The following MYL12B variants were observed in gnomAD, a reference collection of about 807,000 sequenced individuals.
MYL12B encodes the protein myosin regulatory light chain 12B.
In MYL12B, 3 loss-of-function variants were observed where a neutral mutation model predicts 12.9. The ratio of observed to expected loss-of-function variants is 0.23; its 90% CI spans 0.11 to 0.60. The LOEUF is 0.60. MYL12B is among the 20% of genes least tolerant of loss of function. The probability of loss-of-function intolerance (pLI) is 0.89; values close to 1 mark genes in which losing one functional copy is unlikely to be tolerated. For missense variants in MYL12B, 120 were observed against 215.4 expected, an observed-to-expected ratio of 0.56 and a Z score of 2.77; for synonymous variants, 57 against 71.9, an observed-to-expected ratio of 0.79 and a Z score of 1.05.
chr18:3,263,692 G>T (rs542137872), intron 1 of MYL12B, among the ~76,000 whole-genome samples: 1 of 152,356 alleles, frequency 6.6e-6, no homozygotes, highest in South Asian at 2.1e-4. Context: ...ATCTGGGGAT[G>T]AGTTTATCAT....
rs144352610 is a variant in MYL12B at position 3,272,811 on chromosome 18, A to G, written c.-15-73A>G. 438 of 1,310,246 alleles carry G rather than the reference A, an allele frequency of 3.3e-4. 4 individuals carry two copies. The African/African-American group carries it at 5.8e-3, about 17-fold the overall frequency. 81.2% of individuals were successfully genotyped at this position (1,310,246 alleles called of 1,614,324 possible). A position where few individuals can be genotyped will look rare whatever the true frequency, so the allele number is the denominator to read the frequency against. ...ATATTTTTACCTACAGACTTTAGGT[A>G]TTATGTATTCTGTTTTTGCTTTGTT... On this transcript the variant is annotated intron_variant, in intron 1 of 3. Transcript: ENST00000237500.
Position 3,262,143 on chromosome 18 carries a change from T to G in MYL12B, c.-110T>G, listed in dbSNP as rs2081594730. 1 of 151,896 alleles carries G rather than the reference T, an allele frequency of 6.6e-6. No individual in the cohort carries two copies. The highest frequency in any genetic ancestry group is 2.4e-5 in the African/African-American group (1 of 41,374). The allele number at this position is 151,896 out of a possible 1,614,324, so 9.4% of individuals were successfully genotyped here. On this transcript the variant is annotated 5_prime_UTR_variant, in exon 1 of 4. Coordinates refer to ENST00000237500, the MANE Select transcript of MYL12B (RefSeq NM_033546.4). ...CCGCTCCGCCCCTTCAGGCAGGAAG[T>G]GTCGGCGCCGCCACTGTCCGGCCAC... is the stretch of plus-strand genomic sequence containing the variant.
intron 1 of MYL12B, among the ~76,000 whole-genome samples, chr18:3,266,032 G>A (rs956872781): frequency 3.3e-5 from 5 of 152,180 alleles, no homozygotes; most frequent in African/African-American, 1.2e-4. Flanking sequence ...ACATTAAAGA[G>A]GTCAAGGAGA....
Position 3,277,717 on chromosome 18 carries a change from G to A in MYL12B, c.347-48G>A, listed in dbSNP as rs746629621. On this transcript the variant is annotated intron_variant, in intron 3 of 3. Coordinates refer to ENST00000237500, the MANE Select transcript of MYL12B (RefSeq NM_033546.4). Reference sequence around the variant, plus strand: ...CAAGCTTTAGGAATGAACCATCAAAGTGCCAGGAAGTATTGATGACTGCTT... The same window carrying A: ...CAAGCTTTAGGAATGAACCATCAAAATGCCAGGAAGTATTGATGACTGCTT... 1.2e-5 allele frequency: 18 copies of A among 1,565,218 alleles called. No individual in the cohort carries two copies. The East Asian group carries it at 4.0e-4, about 35-fold the overall frequency.
chr18:3,267,836 C>G lies in MYL12B; in HGVS notation c.-15-5048C>G, dbSNP rs370669040. Among the ~76,000 whole-genome samples, 11 of 152,310 alleles carry G rather than the reference C, an allele frequency of 7.2e-5. No homozygotes were observed. In the East Asian group the frequency reaches 1.7e-3, roughly 24 times the overall value. Reference sequence around the variant, plus strand: ...TGGTTCCAGGACCCTCCTGCAGATACTAGAATCTGCAGATGCTCAAGTCTC... The same window carrying G: ...TGGTTCCAGGACCCTCCTGCAGATAGTAGAATCTGCAGATGCTCAAGTCTC... On this transcript the variant is annotated intron_variant, in intron 1 of 3. Transcript: ENST00000237500.
rs781113839 is a variant in MYL12B at position 3,277,391 on chromosome 18, C to G, written c.323C>G (p.Ala108Gly). Reference protein sequence around the residue: ...DPEDVIRNAFACFDEEATGTI... With the variant: ...DPEDVIRNAFGCFDEEATGTI... ...GAAGATGTCATCAGAAACGCCTTTG[C>G]TTGCTTTGATGAAGAAGCAACAGGT... Residue 108 changes from alanine (A) to glycine (G), a missense_variant, in exon 3 of 4, where the codon GCT becomes GGT. Physicochemically the swap from Ala to Gly is moderately conservative, Grantham distance 60. Transcript: ENST00000237500. 5 of 1,613,986 alleles carry G rather than the reference C, an allele frequency of 3.1e-6. No homozygotes were observed. The highest frequency in any genetic ancestry group is 4.2e-6 in the Non-Finnish European group (5 of 1,180,004).
At chr18:3,268,713 C>T (rs951623853) in intron 1 of MYL12B, among the ~76,000 whole-genome samples, 23 of 152,084 alleles carry the variant, frequency 1.5e-4, no homozygotes, top group African/African-American at 5.1e-4. Context: ...AAATTTTGTG[C>T]TGAACTCAAA....
chr18:3,272,040 CAG>C lies in MYL12B; in HGVS notation c.-15-842_-15-841del, dbSNP rs764076880. On this transcript the variant is annotated intron_variant, in intron 1 of 3. Transcript: ENST00000237500. ...AACCCCCCATCTCTAAAATAAAAAA[CAG>C]AAGGAAAAATGAAGACAGTTCAGCA... 5 of 984,328 alleles carry C rather than the reference CAG, an allele frequency of 5.1e-6. No homozygotes were observed. In the South Asian group the frequency reaches 1.4e-4, roughly 28 times the overall value. The allele number at this position is 984,328 out of a possible 1,614,324, so 61.0% of individuals were successfully genotyped here. A position where few individuals can be genotyped will look rare whatever the true frequency, so the allele number is the denominator to read the frequency against.
intron 2 of MYL12B, chr18:3,276,358 A>G (rs2144366191): frequency 2.1e-6 from 2 of 935,084 alleles, no homozygotes; most frequent in Non-Finnish European, 2.5e-6. Flanking sequence ...CGGGGCCTCA[A>G]AAACACTCCC....
chr18:3,272,451 T>G (rs2081688353), intron 1 of MYL12B, among the ~76,000 whole-genome samples: 1 of 152,230 alleles, frequency 6.6e-6, no homozygotes, highest in South Asian at 2.1e-4. Context: ...TGCTAGCTAT[T>G]GTTAGATATT....
intron 1 of MYL12B, among the ~76,000 whole-genome samples, chr18:3,266,944 A>G (rs569353379): frequency 6.6e-6 from 1 of 152,226 alleles, no homozygotes. Context: ...CTTGTGAATG[A>G]TAGAACTGGA....
chr18:3,276,411 G>A, intron 2 of MYL12B: 1 of 984,438 alleles, frequency 1.0e-6, no homozygotes, highest in Non-Finnish European at 1.2e-6. Context: ...CAGCTCCTAG[G>A]GAAAGGTCAG....
At chr18:3,263,362 G>A (rs1242493984) in intron 1 of MYL12B, among the ~76,000 whole-genome samples, 8 of 152,232 alleles carry the variant, frequency 5.3e-5, no homozygotes. Flanking sequence ...AGATTACCTT[G>A]TGAAGGCTTT....
At position 3,278,172 on chromosome 18, in the gene MYL12B, G is replaced by A. The variant is rs974797896; in HGVS notation, c.*235G>A. On this transcript the variant is annotated 3_prime_UTR_variant, in exon 4 of 4. Transcript: ENST00000237500. ...AGATCGCGAATAAAAATCAACAAATGTGAAAGCCCAGAAAAATATATTCGT... is the reference window on the plus strand; with the variant it reads ...AGATCGCGAATAAAAATCAACAAATATGAAAGCCCAGAAAAATATATTCGT... The A allele has an allele frequency of 7.9e-6, 3 of 378,594 alleles. No homozygotes were observed. The highest frequency in any genetic ancestry group is 7.9e-5 in the South Asian group (1 of 12,674). 23.5% of individuals were successfully genotyped at this position (378,594 alleles called of 1,614,324 possible). A position where few individuals can be genotyped will look rare whatever the true frequency, so the allele number is the denominator to read the frequency against.
At chr18:3,277,514 C>A in intron 3 of MYL12B, 100 bp downstream of exon 3, 1 of 1,507,152 alleles carries the variant, frequency 6.6e-7, no homozygotes, top group Non-Finnish European at 8.9e-7. Flanking sequence ...AAAATATTTG[C>A]TTAAGAATAA....
chr18:3,273,510 A>C (rs2081700267), intron 2 of MYL12B, among the ~76,000 whole-genome samples: 1 of 149,688 alleles, frequency 6.7e-6, no homozygotes, highest in Non-Finnish European at 1.5e-5. Flanking sequence ...ACAGTGAAGA[A>C]GACTTTCACA....
At position 3,277,747 on chromosome 18, in the gene MYL12B, C is replaced by T. The variant is rs2081745826; in HGVS notation, c.347-18C>T. ...AGGAAGTATTGATGACTGCTTTCTT[C>T]TTTCTATTGTCTTCCAGGCACCATT... On this transcript the variant is annotated intron_variant, in intron 3 of 3. Transcript: ENST00000237500. The T allele has an allele frequency of 6.9e-6, 11 of 1,597,676 alleles. No homozygotes were observed. Among genetic ancestry groups the T allele is most frequent in the Non-Finnish European group, 9.4e-6 (11 of 1,175,250 alleles).
chr18:3,263,571 T>C (rs1470732084), intron 1 of MYL12B, among the ~76,000 whole-genome samples: 2 of 152,246 alleles, frequency 1.3e-5, no homozygotes, highest in African/African-American at 4.8e-5. Flanking sequence ...CTGCAATTTC[T>C]GAAGGACAGA....
chr18:3,262,450 C>G (rs1598803749), intron 1 of MYL12B: 1 of 152,166 alleles, frequency 6.6e-6, no homozygotes, highest in Middle Eastern at 3.4e-3. Context: ...GGCCCTGGCC[C>G]GGACGTCCAG....
Sources: gnomAD v4.1 joint callset for allele counts (sites outside exome capture counted in the v4.1 genomes callset) on GRCh38, gnomAD v4.1.1 for gene constraint, MANE v1.5 for transcripts, NCBI Gene and HGNC (gene_info 2026-07-23, HGNC 2026-07-21) for gene names.